RYR2: variants seen among roughly 807,000 people sequenced by gnomAD.
RYR2 encodes cardiac muscle ryanodine receptor-calcium release channel.
RYR2 carries 227 observed loss-of-function variants against 601.1 expected under a neutral mutation model. The observed-to-expected ratio is 0.38, with a 90% CI of 0.34 to 0.42. RYR2 has a LOEUF of 0.42. Ranked by LOEUF, RYR2 falls within the 10% of genes least tolerant of loss-of-function variation. The probability of loss-of-function intolerance (pLI) is 1.00; values close to 1 mark genes in which losing one functional copy is unlikely to be tolerated. For missense variants in RYR2, 4,646 were observed against 6,156.5 expected, an observed-to-expected ratio of 0.75 and a Z score of 8.21; for synonymous variants, 2,223 against 2,175.1, an observed-to-expected ratio of 1.02 and a Z score of -0.61.
At chr1:237,131,197 T>A (rs1672133618) in intron 1 of RYR2, among the ~76,000 whole-genome samples, 1 of 152,000 alleles carries the variant, frequency 6.6e-6, no homozygotes, top group African/African-American at 2.4e-5. Flanking sequence ...GAATTTGAAG[T>A]CTGTGGAACA....
chr1:237,200,958 T>C (rs1436155813), intron 1 of RYR2, among the ~76,000 whole-genome samples: 1 of 152,236 alleles, frequency 6.6e-6, no homozygotes, highest in Admixed American at 6.5e-5. Context: ...TTCAGGAAAC[T>C]GACTCCATCA....
chr1:237,743,185 T>C (rs966250727), intron 80 of RYR2, among the ~76,000 whole-genome samples: 1 of 152,170 alleles, frequency 6.6e-6, no homozygotes, highest in Non-Finnish European at 1.5e-5. Flanking sequence ...TCTGGAAATA[T>C]ATCAGTAGCC....
At chr1:237,705,581 G>T (rs1002103303) in intron 67 of RYR2, among the ~76,000 whole-genome samples, 1 of 152,080 alleles carries the variant, frequency 6.6e-6, no homozygotes, top group Non-Finnish European at 1.5e-5. Flanking sequence ...GACTGAGCAG[G>T]CCCCTTGGAC....
intron 25 of RYR2, among the ~76,000 whole-genome samples, chr1:237,547,226 G>A (rs1052118439): frequency 2.6e-5 from 4 of 151,686 alleles, no homozygotes; most frequent in Non-Finnish European, 4.4e-5. Flanking sequence ...GGCTGGTCTC[G>A]AACTCCTGGC....
chr1:237,359,489 C>T (rs976774005), intron 4 of RYR2, among the ~76,000 whole-genome samples: 1 of 152,074 alleles, frequency 6.6e-6, no homozygotes, highest in Non-Finnish European at 1.5e-5. Flanking sequence ...GTCTAGGGTG[C>T]GTTTACCACC....
intron 1 of RYR2, among the ~76,000 whole-genome samples, chr1:237,248,507 A>G (rs1003861254): frequency 6.6e-6 from 1 of 151,824 alleles, no homozygotes. Flanking sequence ...TTCTTTCTTT[A>G]TTCATATGAA....
intron 63 of RYR2, among the ~76,000 whole-genome samples, chr1:237,693,489 G>T (rs1687127701): frequency 6.6e-6 from 1 of 152,016 alleles, no homozygotes; most frequent in South Asian, 2.1e-4. Flanking sequence ...GAGAATTTGT[G>T]AATTAATCAC....
rs972593319 is a variant in RYR2, at chr1:237,277,955, A to G, written c.168+7339A>G. 2.0e-5 allele frequency among the ~76,000 whole-genome samples: 3 copies of G among 152,214 alleles called. 1 individual carries two copies. The highest frequency in any genetic ancestry group is 4.8e-5 in the African/African-American group (2 of 41,464). On this transcript the variant is annotated intron_variant, in intron 2 of 104. Transcript: ENST00000366574. Reference sequence around the variant, plus strand: ...TTACTAATGTATTTATTATGTTTTTATCATGTATACATGTGCTAATAAATT... The same window carrying G: ...TTACTAATGTATTTATTATGTTTTTGTCATGTATACATGTGCTAATAAATT...
At chr1:237,384,644 A>G (rs1701823782) in intron 8 of RYR2, among the ~76,000 whole-genome samples, 1 of 152,218 alleles carries the variant, frequency 6.6e-6, no homozygotes, top group South Asian at 2.1e-4. Context: ...GCGCATTCAC[A>G]TTACTAATCT....
intron 87 of RYR2, 122 bp from the exon 88 acceptor site, chr1:237,778,544 T>C (rs898378252): frequency 1.9e-5 from 9 of 472,288 alleles, no homozygotes; most frequent in Admixed American, 7.3e-5. Context: ...TCCTATCTTT[T>C]CAGATAACGT....
At chr1:237,797,313 T>C (rs1459310199) in intron 96 of RYR2, among the ~76,000 whole-genome samples, 1 of 152,030 alleles carries the variant, frequency 6.6e-6, no homozygotes, top group Non-Finnish European at 1.5e-5. Flanking sequence ...TTGATAGACA[T>C]GGAATCTATA....
intron 3 of RYR2, among the ~76,000 whole-genome samples, chr1:237,353,588 T>A (rs1699050068): frequency 6.6e-6 from 1 of 151,992 alleles, no homozygotes; most frequent in Non-Finnish European, 1.5e-5. Flanking sequence ...GTGATATAAT[T>A]TAAAAATAAT....
chr1:237,352,992 T>C (rs1340144626), intron 3 of RYR2: 2 of 401,540 alleles, frequency 5.0e-6, no homozygotes, highest in Non-Finnish European at 1.0e-5. Context: ...TTAGTAGCTT[T>C]AGTAGCTTCG....
At chr1:237,136,651 A>C (rs1672809548) in intron 1 of RYR2, among the ~76,000 whole-genome samples, 1 of 152,190 alleles carries the variant, frequency 6.6e-6, no homozygotes, top group South Asian at 2.1e-4. Context: ...TTTCCTGTTC[A>C]AGCATACTAC....
chr1:237,806,115 TC>T (rs727503406), intron 98 of RYR2, 21 bp from the exon 99 acceptor site: 1 of 1,609,684 alleles, frequency 6.2e-7, no homozygotes, highest in Non-Finnish European at 8.5e-7. Context: ...ACATGTTCTT[TC>T]CCCCCGTTTT....
intron 8 of RYR2, among the ~76,000 whole-genome samples, chr1:237,378,474 G>T (rs1701208563): frequency 2.0e-5 from 3 of 152,062 alleles, no homozygotes; most frequent in African/African-American, 4.8e-5. Context: ...AAGGTTGAAA[G>T]GTGACTAAAT....
At chr1:237,644,168 T>G (rs1681878201) in intron 48 of RYR2, among the ~76,000 whole-genome samples, 1 of 152,228 alleles carries the variant, frequency 6.6e-6, no homozygotes, top group African/African-American at 2.4e-5. Flanking sequence ...AAAGCACTGA[T>G]GATAGCTTTT....
intron 3 of RYR2, among the ~76,000 whole-genome samples, chr1:237,355,051 T>A (rs559427899): frequency 6.6e-6 from 1 of 152,298 alleles, no homozygotes; most frequent in South Asian, 2.1e-4. Flanking sequence ...GATTCCTAGC[T>A]AATAGCCCAA....
chr1:237,154,985 G>A (rs1453276936), intron 1 of RYR2, among the ~76,000 whole-genome samples: 2 of 152,010 alleles, frequency 1.3e-5, no homozygotes, highest in Non-Finnish European at 2.9e-5. Context: ...CTTGTACTAA[G>A]CTTCAGATGC....
Sources: gnomAD v4.1 joint callset for allele counts (sites outside exome capture counted in the v4.1 genomes callset) on GRCh38, gnomAD v4.1.1 for gene constraint, MANE v1.5 for transcripts, NCBI Gene and HGNC (gene_info 2026-07-23, HGNC 2026-07-21) for gene names.